NEB: variants seen among roughly 807,000 people sequenced by gnomAD.
NEB encodes nemaline myopathy type 2.
A neutral mutation model predicts 952.2 loss-of-function variants in NEB; 512 were observed. That is an observed-to-expected ratio of 0.54 (90% CI 0.50 to 0.58). NEB has a LOEUF of 0.58. Among genes scored for constraint, NEB ranks in the 20% least tolerant of loss-of-function variants. NEB has a pLI of 0.00. For missense variants in NEB, 8,428 were observed against 9,231.1 expected (o/e 0.91, Z 3.56); for synonymous variants, 2,900 against 3,149.8 (o/e 0.92, Z 2.66).
Position 151,609,866 on chromosome 2 carries a change from G to A in NEB, c.12273C>T (p.Cys4091=), listed in dbSNP as rs1039919263. 8 of 1,611,642 alleles carry A rather than the reference G, an allele frequency of 5.0e-6. No homozygotes were observed. The African/African-American group carries it at 1.1e-4, about 22-fold the overall frequency. Residue 4091 remains cysteine, a synonymous_variant, in exon 81 of 182, where the codon TGC becomes TGT. Transcript: ENST00000397345. ...GGATAATGTCGTTTTGATCCGGCAT[G>A]CATGTCCATTCATGCAGGTAATTGC... ...DYRNYLHEWT[C]MPDQNDIIQA...
In NEB at chr2:151,656,480, G is replaced by T. The variant is rs747929421; in HGVS notation, c.6184-16C>A. 1.1e-5 allele frequency: 17 copies of T among 1,563,264 alleles called. No homozygotes were observed. Among genetic ancestry groups the T allele is most frequent in the Non-Finnish European group, 1.4e-5 (16 of 1,145,548 alleles). ...TGTATTTATACTGTGAAGAAAATAT[G>T]AGTTTTTACACAGAGCAATTCCTTT... On this transcript the variant is annotated splice_polypyrimidine_tract_variant and intron_variant, in intron 48 of 181. Transcript: ENST00000397345.
chr2:151,488,221 A>C (rs1371190975), intron 181 of NEB, among the ~76,000 whole-genome samples: 1 of 152,016 alleles, frequency 6.6e-6, no homozygotes, highest in Non-Finnish European at 1.5e-5. Flanking sequence ...TATGCTGTAA[A>C]TGTTTTCTCC....
chr2:151,500,593 CT>C (rs11428843), intron 168 of NEB, among the ~76,000 whole-genome samples: 306 of 118,438 alleles, frequency 2.6e-3, no homozygotes, highest in African/African-American at 7.5e-3. Context: ...TTCTTTCTTC[CT>C]TTTTTTTTTT....
At chr2:151,733,983 G>A (rs1351229350) in intron 1 of NEB, among the ~76,000 whole-genome samples, 188 bp from the exon 2 acceptor site, 1 of 152,158 alleles carries the variant, frequency 6.6e-6, no homozygotes, top group Non-Finnish European at 1.5e-5. Context: ...ATCCAAAGAT[G>A]TTTGCCATGT....
intron 8 of NEB, 84 bp downstream of exon 8, chr2:151,724,176 T>C: frequency 9.7e-7 from 1 of 1,033,098 alleles, no homozygotes; most frequent in South Asian, 1.4e-5. Context: ...GTATTCCAGA[T>C]GATCAAGAGT....
rs1374365971 is a variant in NEB, at chr2:151,687,486, C to G, written c.2570G>C (p.Gly857Ala). 6.2e-7 allele frequency: 1 copy of G among 1,613,874 alleles called. No homozygotes were observed. The highest frequency in any genetic ancestry group is 8.5e-7 in the Non-Finnish European group (1 of 1,179,884). ...TGGATCGTCATTAATGCTGAGGGCT[C>G]CAATCATTTTCCCTTTGCTCTTTTC... ...DYEKSKGKMI[G>A]ALSINDDPKM... Residue 857 changes from glycine (G) to alanine (A), a missense_variant, in exon 27 of 182, where the codon GGA (glycine) becomes GCA (alanine). Around this residue, in one of 11 missense-constraint regions of NEB, gnomAD observed 2,851 missense variants for 2,791.5 expected, o/e 1.02. Coordinates refer to ENST00000397345, the MANE Select transcript of NEB (RefSeq NM_001164508.2).
At chr2:151,649,560 T>TA (rs1461569011) in intron 54 of NEB, among the ~76,000 whole-genome samples, 1 of 152,202 alleles carries the variant, frequency 6.6e-6, no homozygotes, top group African/African-American at 2.4e-5. Context: ...GTTAGGCTTT[T>TA]AGCTGAGCAG....
chr2:151,674,494 T>C lies in NEB; in HGVS notation c.3970A>G (p.Arg1324Gly). ...GTACTCACATCACTGGCAATGTTTC[T>C]CGATGCCTTGGCTGCAGTGATGGGA... ...AIPITAAKAS[R>G]NIASDYKYKE... Residue 1324 changes from arginine to glycine, a missense_variant, in exon 36 of 182, where the codon AGA (arginine) becomes GGA (glycine). Physicochemically the swap from Arg to Gly is moderately radical, Grantham distance 125 (BLOSUM62 -2). Coordinates refer to ENST00000397345, the MANE Select transcript of NEB (RefSeq NM_001164508.2). 1 of 1,613,932 alleles carries C rather than the reference T, an allele frequency of 6.2e-7. No individual in the cohort carries two copies. The highest frequency in any genetic ancestry group is 1.3e-5 in the African/African-American group (1 of 75,054).
In NEB at chr2:151,723,432, C is replaced by A. The variant is rs773542584; in HGVS notation, c.667G>T (p.Asp223Tyr). The stretch of plus-strand genomic sequence containing the variant: ...GCAACTCTCCTCAGTTCCGGGCTAT[C>A]ATTATAGGGGTAAAACAAACTTTTG... Reference protein sequence around the residue: ...ADKSLFYPYNDSPELRRVAQA... With the variant: ...ADKSLFYPYNYSPELRRVAQA... Residue 223 changes from aspartate to tyrosine, a missense_variant, in exon 9 of 182, where the codon GAT (aspartate) becomes TAT (tyrosine). By Grantham distance (160) the Asp-to-Tyr change is radical. Transcript: ENST00000397345. 6.8e-6 allele frequency: 11 copies of A among 1,610,434 alleles called. No individual in the cohort carries two copies. Among genetic ancestry groups the A allele is most frequent in the Non-Finnish European group, 8.5e-6 (10 of 1,178,348 alleles).
rs1575255775 is a variant in NEB, at chr2:151,655,200, A to G, written c.6807+70T>C. 2.1e-5 allele frequency: 19 copies of G among 905,658 alleles called. No homozygotes were observed. In the East Asian group the frequency reaches 4.9e-4, roughly 24 times the overall value. 56.1% of individuals were successfully genotyped at this position (905,658 alleles called of 1,614,324 possible). A position where few individuals can be genotyped will look rare whatever the true frequency, so the allele number is the denominator to read the frequency against. ...TGCTTCAACATTTATATCAGTATTT[A>G]CTGTTACATTATTTTATAAGTTCAT... On this transcript the variant is annotated intron_variant, in intron 51 of 181. Coordinates refer to ENST00000397345, the MANE Select transcript of NEB (RefSeq NM_001164508.2).
intron 178 of NEB, 142 bp downstream of exon 178, chr2:151,491,956 A>G: frequency 2.9e-6 from 3 of 1,042,118 alleles, no homozygotes; most frequent in Non-Finnish European, 4.3e-6. Context: ...TTTGTAAACT[A>G]TGAGATAATA....
At position 151,650,390 on chromosome 2, in the gene NEB, A is replaced by G; in HGVS notation, c.7228-11T>C. On this transcript the variant is annotated splice_polypyrimidine_tract_variant and intron_variant, in intron 53 of 181. Transcript: ENST00000397345. ...AGATTTATATAGATTCTGTGAAAAG[A>G]CAGAGCAAGCCATCAAAATCCCATT... The G allele has an allele frequency of 1.2e-6, 2 of 1,611,954 alleles. No individual in the cohort carries two copies. The highest frequency in any genetic ancestry group is 1.7e-6 in the Non-Finnish European group (2 of 1,178,120).
At chr2:151,497,194 T>C (rs2152959994) in intron 171 of NEB, 161 bp from the exon 172 acceptor site, 1 of 736,050 alleles carries the variant, frequency 1.4e-6, no homozygotes, top group East Asian at 1.3e-4. Flanking sequence ...TTTACTTTAG[T>C]GGAAGTTGTT....
intron 131 of NEB, 28 bp downstream of exon 131, chr2:151,548,280 G>A: frequency 6.5e-7 from 1 of 1,530,522 alleles, no homozygotes; most frequent in Non-Finnish European, 9.1e-7. Flanking sequence ...AACTCAATAT[G>A]TCTCTTGGAG....
intron 61 of NEB, 67 bp downstream of exon 61, chr2:151,640,288 C>T (rs2098830835): frequency 2.5e-6 from 4 of 1,576,904 alleles, no homozygotes; most frequent in Admixed American, 1.7e-5. Flanking sequence ...CCATATATTG[C>T]CATTTTCTCC....
chr2:151,610,450 CA>C, intron 80 of NEB, 65 bp downstream of exon 80: 1 of 1,252,768 alleles, frequency 8.0e-7, no homozygotes, highest in Non-Finnish European at 1.2e-6. Flanking sequence ...GTGTGTGGTT[CA>C]CCAGCCACCC....
intron 181 of NEB, chr2:151,486,750 C>G (rs1045416604): frequency 2.6e-5 from 4 of 152,172 alleles, no homozygotes; most frequent in African/African-American, 4.8e-5. Context: ...GGACGCCATG[C>G]ACCAAGGTCA....
At position 151,565,604 on chromosome 2, in the gene NEB, A is replaced by T. The variant is rs1302865479; in HGVS notation, c.18263T>A (p.Ile6088Asn). ...TTCAAGGGCATTTTTCTTATATTTG[A>T]TCTGTAAAGAAACGGAGACAATTAA... ...VTKNQEMMSQ[I>N]KYKKNALENY... Residue 6088 changes from isoleucine (I) to asparagine (N), a missense_variant and splice_region_variant, in exon 116 of 182, where the codon ATC becomes AAC. By Grantham distance (149) the Ile-to-Asn change is moderately radical (BLOSUM62 -3). Around this residue, in one of 11 missense-constraint regions of NEB, gnomAD observed 3,374 missense variants for 3,651.5 expected, o/e 0.92. Transcript: ENST00000397345. The T allele has an allele frequency of 6.3e-7, 1 of 1,585,152 alleles. No homozygotes were observed. Among genetic ancestry groups the T allele is most frequent in the Non-Finnish European group, 8.6e-7 (1 of 1,157,634 alleles).
At position 151,629,561 on chromosome 2, in the gene NEB, G is replaced by T. The variant is rs1427810624; in HGVS notation, c.9809C>A (p.Ala3270Asp). Reference sequence around the variant, plus strand: ...CACATCACTGATAACGTCCCTGGAGGCCTTGGCAGCCACGATGGGGATGGC... The same window carrying T: ...CACATCACTGATAACGTCCCTGGAGTCCTTGGCAGCCACGATGGGGATGGC... ...SDAIPIVAAKASRDVISDYKY... is the reference protein window; with the variant it reads ...SDAIPIVAAKDSRDVISDYKY... The change falls in exon 68 of 182, where the codon GCC becomes GAC. Residue 3270 changes from alanine (A) to aspartate (D), a missense_variant. This residue lies in a region of NEB where 1,772 missense variants were observed against 1,960.3 expected (regional missense o/e 0.90). Coordinates refer to ENST00000397345, the MANE Select transcript of NEB (RefSeq NM_001164508.2). The T allele has an allele frequency of 6.2e-7, 1 of 1,613,626 alleles. No individual in the cohort carries two copies. The highest frequency in any genetic ancestry group is 1.7e-5 in the Admixed American group (1 of 60,012).
Sources: gnomAD v4.1 joint callset for allele counts (sites outside exome capture counted in the v4.1 genomes callset) on GRCh38, gnomAD v4.1.1 for gene constraint, gnomAD v4.1.1 regional missense constraint, MANE v1.5 for transcripts, NCBI Gene and HGNC (gene_info 2026-07-23, HGNC 2026-07-21) for gene names.